NOS1AP: variants seen among roughly 807,000 people sequenced by gnomAD.
NOS1AP encodes the protein nitric oxide synthase 1 adaptor protein, also known as carboxyl-terminal PDZ ligand of neuronal nitric oxide synthase protein.
In NOS1AP, 21 loss-of-function variants were observed where a neutral mutation model predicts 56.2. The observed-to-expected ratio is 0.37, with a 90% CI of 0.26 to 0.54. The LOEUF (loss-of-function observed/expected upper bound fraction) is 0.54. NOS1AP is among the 20% of genes least tolerant of loss of function. The pLI, the probability that NOS1AP is intolerant of heterozygous loss-of-function variation, is 0.84. For synonymous variants in NOS1AP, 270 were observed against 274.6 expected, an observed-to-expected ratio of 0.98 and a Z score of 0.17; for missense variants, 522 against 657.8, an observed-to-expected ratio of 0.79 and a Z score of 2.26.
intron 1 of NOS1AP, among the ~76,000 whole-genome samples, chr1:162,144,664 G>A (rs976058388): frequency 1.3e-5 from 2 of 152,154 alleles, no homozygotes; most frequent in Non-Finnish European, 2.9e-5. Context: ...GCCGGCCCAG[G>A]GTACAGCCCG....
chr1:162,322,677 T>G (rs1656460375), intron 4 of NOS1AP, among the ~76,000 whole-genome samples: 1 of 152,184 alleles, frequency 6.6e-6, no homozygotes. Context: ...ATCCAGCACC[T>G]CTTACCCACG....
At chr1:162,348,018 T>C (rs900585005) in intron 6 of NOS1AP, among the ~76,000 whole-genome samples, 9 of 152,222 alleles carry the variant, frequency 5.9e-5, no homozygotes, top group Non-Finnish European at 1.3e-4. Flanking sequence ...TCCTGGCTGA[T>C]GCCGTTAACA....
intron 2 of NOS1AP, among the ~76,000 whole-genome samples, chr1:162,278,167 A>G (rs1263889318): frequency 1.3e-5 from 2 of 152,256 alleles, no homozygotes; most frequent in East Asian, 3.9e-4. Context: ...ATGTTGGTAT[A>G]CATTTGCCCC....
chr1:162,176,788 G>T (rs1370684563), intron 2 of NOS1AP, among the ~76,000 whole-genome samples: 1 of 152,016 alleles, frequency 6.6e-6, no homozygotes, highest in East Asian at 1.9e-4. Context: ...GATCCACTGC[G>T]CCCAGCCAAT....
intron 2 of NOS1AP, among the ~76,000 whole-genome samples, chr1:162,252,733 C>T (rs60952919): frequency 0.033 from 5,093 of 152,208 alleles, 178 homozygotes; most frequent in African/African-American, 0.088. Context: ...ATATTGGTGT[C>T]CCTTATAGCT....
intron 5 of NOS1AP, among the ~76,000 whole-genome samples, chr1:162,336,017 G>C (rs980524861): frequency 3.3e-5 from 5 of 151,960 alleles, no homozygotes; most frequent in Non-Finnish European, 5.9e-5. Flanking sequence ...CTTGAGCTAA[G>C]TTTTTTTTCA....
At position 162,188,174 on chromosome 1, in the gene NOS1AP, A is replaced by G. The variant is rs1334678369; in HGVS notation, c.177+33698A>G. Among the ~76,000 whole-genome samples the G allele has an allele frequency of 6.6e-6, 1 of 152,188 alleles. No homozygotes were observed. The highest frequency in any genetic ancestry group is 1.9e-4 in the East Asian group (1 of 5,198). On this transcript the variant is annotated intron_variant, in intron 2 of 9. Transcript: ENST00000361897. This position sits in a 1 kb window ranked among gnomAD's most constrained non-coding sequence, Gnocchi z 4.0. ...ACCAATTCTCATGTTTAAGACTTTA[A>G]CAAAACAGCCTCTGGTCAAATGGCA... is the stretch of plus-strand genomic sequence containing the variant.
At chr1:162,283,173 T>TAA (rs1372610114) in intron 2 of NOS1AP, among the ~76,000 whole-genome samples, 1 of 151,428 alleles carries the variant, frequency 6.6e-6, no homozygotes, top group African/African-American at 2.4e-5. Flanking sequence ...CATATATATA[T>TAA]AATATATGTT....
chr1:162,202,897 G>T (rs1414349567), intron 2 of NOS1AP, among the ~76,000 whole-genome samples: 2 of 152,146 alleles, frequency 1.3e-5, no homozygotes, highest in Non-Finnish European at 2.9e-5. Flanking sequence ...AGGTATGCTT[G>T]GATACAGGGG....
intron 3 of NOS1AP, among the ~76,000 whole-genome samples, chr1:162,296,847 C>T (rs1241870835): frequency 6.6e-6 from 1 of 152,218 alleles, no homozygotes; most frequent in African/African-American, 2.4e-5. Flanking sequence ...CATCCTCTCC[C>T]TCAGTGTTGC....
At chr1:162,092,995 G>A (rs1692167317) in intron 1 of NOS1AP, among the ~76,000 whole-genome samples, 1 of 152,052 alleles carries the variant, frequency 6.6e-6, no homozygotes, top group African/African-American at 2.4e-5. Flanking sequence ...TTTAATTACT[G>A]TTTTGATCTT....
At chr1:162,322,108 T>C (rs986877048) in intron 4 of NOS1AP, among the ~76,000 whole-genome samples, 7 of 151,934 alleles carry the variant, frequency 4.6e-5, no homozygotes, top group African/African-American at 1.7e-4. Flanking sequence ...AGACACTAGA[T>C]TGTGATTGAG....
chr1:162,290,817 A>C (rs1655263187), intron 3 of NOS1AP, among the ~76,000 whole-genome samples: 1 of 152,196 alleles, frequency 6.6e-6, no homozygotes, highest in Admixed American at 6.5e-5. Context: ...CCTGGGTTTC[A>C]GTCCTGGCTC....
At chr1:162,270,832 G>C (rs1654561016) in intron 2 of NOS1AP, among the ~76,000 whole-genome samples, 1 of 152,234 alleles carries the variant, frequency 6.6e-6, no homozygotes, top group Admixed American at 6.5e-5. Context: ...GCTTCTGTGG[G>C]TGAAGCAGGA....
At chr1:162,106,893 C>T (rs1245468299) in intron 1 of NOS1AP, among the ~76,000 whole-genome samples, 1 of 152,140 alleles carries the variant, frequency 6.6e-6, no homozygotes, top group Non-Finnish European at 1.5e-5. Context: ...GACAAAATTC[C>T]TAGAATCCTC....
chr1:162,208,062 GC>G (rs1652219343), intron 2 of NOS1AP, among the ~76,000 whole-genome samples: 1 of 152,162 alleles, frequency 6.6e-6, no homozygotes, highest in African/African-American at 2.4e-5. Flanking sequence ...CTGCCAGCTG[GC>G]TATGATGCGG....
chr1:162,250,571 T>C (rs541314433), intron 2 of NOS1AP, among the ~76,000 whole-genome samples: 6 of 151,946 alleles, frequency 3.9e-5, no homozygotes, highest in African/African-American at 1.4e-4. Context: ...CCCCCCTCCA[T>C]AGTCATTGAG....
intron 4 of NOS1AP, among the ~76,000 whole-genome samples, chr1:162,309,139 C>T (rs1041427617): frequency 2.6e-5 from 4 of 152,134 alleles, no homozygotes; most frequent in African/African-American, 9.7e-5. Context: ...TAGAGCTATT[C>T]TGTGATATTT....
At position 162,370,147 on chromosome 1, in the gene NOS1AP, T is replaced by A. The variant is rs983679748; in HGVS notation, c.*2680T>A. 1 of 152,240 alleles carries A rather than the reference T, an allele frequency of 6.6e-6. No individual in the cohort carries two copies. Among genetic ancestry groups the A allele is most frequent in the Non-Finnish European group, 1.5e-5 (1 of 68,058 alleles). 9.4% of individuals were successfully genotyped at this position (152,240 alleles called of 1,614,324 possible). On this transcript the variant is annotated 3_prime_UTR_variant, in exon 10 of 10. Transcript: ENST00000361897. ...CACAGTTATGGAGCCAGGAAAGAAT[T>A]TCTCTGCACTGGATGGACTGTATAT... is the stretch of plus-strand genomic sequence containing the variant.
Sources: allele counts gnomAD v4.1 joint callset (sites outside exome capture counted in the v4.1 genomes callset), GRCh38; gene constraint gnomAD v4.1.1; non-coding constraint Gnocchi (gnomAD v3.1); transcripts MANE v1.5; gene names NCBI Gene and HGNC (gene_info 2026-07-23, HGNC 2026-07-21).